Variants in PCDHGA8 observed in about 807,000 individuals in gnomAD.
PCDHGA8 encodes protocadherin gamma-A8.
A neutral mutation model predicts 59.2 loss-of-function variants in PCDHGA8; 45 were observed. The ratio of observed to expected loss-of-function variants is 0.76; its 90% CI spans 0.60 to 0.98. PCDHGA8 has a LOEUF of 0.98. Ranked by LOEUF, PCDHGA8 falls within the 50% of genes least tolerant of loss-of-function variation. The pLI is 0.00. For missense variants in PCDHGA8, 1,257 were observed against 1,196.2 expected, an observed-to-expected ratio of 1.05 and a Z score of -0.75; for synonymous variants, 531 against 519.0, an observed-to-expected ratio of 1.02 and a Z score of -0.32.
At chr5:141,504,959 T>C (rs1297800554) in intron 2 of PCDHGA8, among the ~76,000 whole-genome samples, 2 of 152,038 alleles carry the variant, frequency 1.3e-5, no homozygotes, top group Non-Finnish European at 2.9e-5. Flanking sequence ...GTTCAATGCA[T>C]TGGACCAGCC....
At position 141,394,502 on chromosome 5, in the gene PCDHGA8, G is replaced by T; in HGVS notation, c.1689G>T (p.Leu563=). Residue 563 remains leucine, a synonymous_variant, in exon 1 of 4, where the codon CTG becomes CTT. Coordinates refer to ENST00000398604, the MANE Select transcript of PCDHGA8 (RefSeq NM_032088.2). The part of the protein sequence containing the change: ...LDQNDNAPEI[L]YPALPTDGST... ...AGAATGACAACGCGCCCGAGATCCT[G>T]TACCCCGCCCTCCCCACAGACGGTT... The T allele has an allele frequency of 6.2e-7, 1 of 1,614,226 alleles. No individual in the cohort carries two copies. Among genetic ancestry groups the T allele is most frequent in the Non-Finnish European group, 8.5e-7 (1 of 1,180,040 alleles).
Position 141,477,310 on chromosome 5 carries a change from C to T in PCDHGA8, c.2425-17497C>T. On this transcript the variant is annotated intron_variant, in intron 1 of 3. Coordinates refer to ENST00000398604, the MANE Select transcript of PCDHGA8 (RefSeq NM_032088.2). This position sits in a 1 kb window ranked among gnomAD's most constrained non-coding sequence, Gnocchi z 4.9. ...AAGTTCCACCGGGTCTCCCTTTCAGCCTTACTTCTTCCCTCAAGAATTACT... is the reference window on the plus strand; with the variant it reads ...AAGTTCCACCGGGTCTCCCTTTCAGTCTTACTTCTTCCCTCAAGAATTACT... The T allele has an allele frequency of 6.2e-7, 1 of 1,614,154 alleles. No homozygotes were observed. Among genetic ancestry groups the T allele is most frequent in the Non-Finnish European group, 8.5e-7 (1 of 1,180,018 alleles).
chr5:141,414,638 A>C lies in PCDHGA8; in HGVS notation c.2424+19401A>C, dbSNP rs539861509. The C allele has an allele frequency of 7.8e-5, 126 of 1,613,988 alleles. 1 individual carries two copies. In the South Asian group the frequency reaches 1.3e-3, roughly 17 times the overall value. ...GCGCTGGACCCGGACAGCAAAGAGA[A>C]TGCCCAGATTATTTACTCCCTGGCT... On this transcript the variant is annotated intron_variant, in intron 1 of 3. Coordinates refer to ENST00000398604, the MANE Select transcript of PCDHGA8 (RefSeq NM_032088.2).
intron 2 of PCDHGA8, among the ~76,000 whole-genome samples, chr5:141,503,851 A>C (rs1484022055): frequency 6.6e-6 from 1 of 152,116 alleles, no homozygotes; most frequent in Non-Finnish European, 1.5e-5. Context: ...CCTTGGAAAA[A>C]TTGTAAAGCA....
At chr5:141,488,691 G>A (rs1443084778) in intron 1 of PCDHGA8, among the ~76,000 whole-genome samples, 2 of 152,192 alleles carry the variant, frequency 1.3e-5, no homozygotes, top group Non-Finnish European at 2.9e-5. Flanking sequence ...CTCCCAGAAG[G>A]ACAAGATTTT....
At chr5:141,403,551 T>G in intron 1 of PCDHGA8, 1 of 1,613,986 alleles carries the variant, frequency 6.2e-7, no homozygotes, top group Non-Finnish European at 8.5e-7. Context: ...GAGCGCGCCC[T>G]GGACAGGGAG....
chr5:141,486,659 G>A lies in PCDHGA8; in HGVS notation c.2425-8148G>A, dbSNP rs758578821. The stretch of plus-strand genomic sequence containing the variant: ...TGCGCTTATCTCCTACTCACTCCTG[G>A]AGCCCAGGAATCGAGATGTATCAGC... On this transcript the variant is annotated intron_variant, in intron 1 of 3. Transcript: ENST00000398604. This position sits in a 1 kb window ranked among gnomAD's most constrained non-coding sequence, Gnocchi z 5.0. 5.0e-6 allele frequency: 8 copies of A among 1,613,944 alleles called. No homozygotes were observed. Among genetic ancestry groups the A allele is most frequent in the Middle Eastern group, 1.6e-4 (1 of 6,062 alleles).
At chr5:141,415,274 C>T (rs775112066) in intron 1 of PCDHGA8, 19 of 1,614,086 alleles carry the variant, frequency 1.2e-5, no homozygotes, top group Admixed American at 1.0e-4. Context: ...CTGGTGGTAG[C>T]GGTGGCCGCG....
intron 1 of PCDHGA8, among the ~76,000 whole-genome samples, chr5:141,464,431 A>G (rs1352563675): frequency 6.6e-6 from 1 of 151,648 alleles, no homozygotes; most frequent in Non-Finnish European, 1.5e-5. Flanking sequence ...ATATAGATAT[A>G]TATGTTTGTT....
chr5:141,405,553 T>G, intron 1 of PCDHGA8: 1 of 619,004 alleles, frequency 1.6e-6, no homozygotes, highest in Non-Finnish European at 2.8e-6. Flanking sequence ...CCAAGTAGAG[T>G]AGCTGGGACT....
chr5:141,404,214 C>T lies in PCDHGA8; in HGVS notation c.2424+8977C>T, dbSNP rs1169013129. On this transcript the variant is annotated intron_variant, in intron 1 of 3. Coordinates refer to ENST00000398604, the MANE Select transcript of PCDHGA8 (RefSeq NM_032088.2). ...GAAAAAGCCTCAGAATATAATATCA[C>T]GGTGACTGCAACAGACAGAGGAACT... 11 of 1,613,562 alleles carry T rather than the reference C, an allele frequency of 6.8e-6. No individual in the cohort carries two copies. In the Admixed American group the frequency reaches 1.3e-4, roughly 20 times the overall value.
chr5:141,477,551 C>A lies in PCDHGA8; in HGVS notation c.2425-17256C>A. The A allele has an allele frequency of 6.2e-7, 1 of 1,614,178 alleles. No homozygotes were observed. The highest frequency in any genetic ancestry group is 1.3e-5 in the African/African-American group (1 of 75,032). ...CCTCCCCGGGGCTCCAATACTAAAC[C>A]TAAGTGTCTGGGACCCCGACGCCCC... is the stretch of plus-strand genomic sequence containing the variant. On this transcript the variant is annotated intron_variant, in intron 1 of 3. Transcript: ENST00000398604. The surrounding 1 kb of genome is among the most constrained non-coding windows in gnomAD (Gnocchi z 4.9).
chr5:141,434,474 A>G (rs979175338), intron 1 of PCDHGA8, among the ~76,000 whole-genome samples: 2 of 152,222 alleles, frequency 1.3e-5, no homozygotes, highest in Non-Finnish European at 2.9e-5. Context: ...GAATGAGGGC[A>G]AGGAACACCT....
At chr5:141,450,792 G>T (rs1222162745) in intron 1 of PCDHGA8, among the ~76,000 whole-genome samples, 2 of 149,686 alleles carry the variant, frequency 1.3e-5, no homozygotes, top group Non-Finnish European at 3.0e-5. Context: ...CGGACCTCAT[G>T]ATTGTATTTA....
chr5:141,436,635 A>G (rs953396225), intron 1 of PCDHGA8, among the ~76,000 whole-genome samples: 8 of 152,184 alleles, frequency 5.3e-5, no homozygotes, highest in African/African-American at 1.9e-4. Context: ...ACAACATGCA[A>G]TTAATTAACA....
rs756237595 is a variant in PCDHGA8, at chr5:141,398,946, C to T, written c.2424+3709C>T. The T allele has an allele frequency of 1.9e-6, 3 of 1,613,830 alleles. No individual in the cohort carries two copies. The Admixed American group carries it at 5.0e-5, about 27-fold the overall frequency. ...CAGCCACTGACCAAGACGAGGGCAT[C>T]AACTCAGAAATTACTTATTCCTTCT... On this transcript the variant is annotated intron_variant, in intron 1 of 3. Coordinates refer to ENST00000398604, the MANE Select transcript of PCDHGA8 (RefSeq NM_032088.2).
intron 1 of PCDHGA8, chr5:141,404,287 C>T: frequency 6.2e-7 from 1 of 1,613,976 alleles, no homozygotes; most frequent in Non-Finnish European, 8.5e-7. Context: ...TGACTGACAT[C>T]AATGATAATC....
intron 1 of PCDHGA8, chr5:141,395,524 T>A: frequency 2.5e-6 from 1 of 392,376 alleles, no homozygotes; most frequent in Non-Finnish European, 4.5e-6. Flanking sequence ...CCGTCCATAC[T>A]GGTAATTTTG....
At chr5:141,494,638 A>G (rs2099755799) in intron 1 of PCDHGA8, 169 bp from the exon 2 acceptor site, 1 of 896,388 alleles carries the variant, frequency 1.1e-6, no homozygotes, top group African/African-American at 1.8e-5. Context: ...GACCTCTGAG[A>G]CCTGAGGTGT....
Sources: gnomAD v4.1 joint callset for allele counts (sites outside exome capture counted in the v4.1 genomes callset) on GRCh38, gnomAD v4.1.1 for gene constraint, Gnocchi (gnomAD v3.1) non-coding constraint, MANE v1.5 for transcripts, NCBI Gene and HGNC (gene_info 2026-07-23, HGNC 2026-07-21) for gene names.